Variants in ATP8A2 observed in about 807,000 individuals in gnomAD.
The protein encoded by ATP8A2 is ATPase phospholipid transporting 8A2, also known as phospholipid-transporting ATPase IB.
Under a neutral mutation model 165.6 loss-of-function variants are expected in ATP8A2, and 100 were observed. That is an observed-to-expected ratio of 0.60 (90% CI 0.51 to 0.71). The LOEUF (loss-of-function observed/expected upper bound fraction) is 0.71. Among genes scored for constraint, ATP8A2 ranks in the 30% least tolerant of loss-of-function variants. ATP8A2 has a pLI of 0.00. For missense variants in ATP8A2, 1,227 were observed against 1,479.5 expected (o/e 0.83, Z 2.80); for synonymous variants, 543 against 548.8 (o/e 0.99, Z 0.15).
intron 30 of ATP8A2, among the ~76,000 whole-genome samples, chr13:25,850,895 A>G (rs1951991382): frequency 6.6e-6 from 1 of 152,232 alleles, no homozygotes; most frequent in South Asian, 2.1e-4. Context: ...TTAACAAGAA[A>G]CGACACCCAC....
intron 33 of ATP8A2, among the ~76,000 whole-genome samples, chr13:25,921,271 A>AT (rs1188448226): frequency 2.0e-5 from 3 of 152,144 alleles, no homozygotes; most frequent in African/African-American, 7.2e-5. Flanking sequence ...ATTAGAGTAC[A>AT]TATCATGGAC....
intron 2 of ATP8A2, among the ~76,000 whole-genome samples, chr13:25,519,098 G>C (rs2137829671): frequency 6.6e-6 from 1 of 152,266 alleles, no homozygotes; most frequent in Non-Finnish European, 1.5e-5. Context: ...CCCTCCTACA[G>C]GTGGAGCAAC....
intron 23 of ATP8A2, among the ~76,000 whole-genome samples, chr13:25,585,933 T>G (rs1218066945): frequency 6.6e-6 from 1 of 152,164 alleles, no homozygotes; most frequent in African/African-American, 2.4e-5. Flanking sequence ...ATGAGTTAAT[T>G]ATGAGACAAA....
chr13:25,474,015 A>C (rs1297861643), intron 2 of ATP8A2, among the ~76,000 whole-genome samples: 2 of 152,218 alleles, frequency 1.3e-5, no homozygotes, highest in Non-Finnish European at 2.9e-5. Flanking sequence ...TTTCAAAGCC[A>C]TAAGGCAGTT....
At chr13:25,771,662 T>C (rs1270302548) in intron 26 of ATP8A2, among the ~76,000 whole-genome samples, 6 of 152,202 alleles carry the variant, frequency 3.9e-5, no homozygotes, top group South Asian at 2.1e-4. Context: ...TCCAGCATCA[T>C]AGTCACTTCT....
Position 25,372,874 on chromosome 13 carries a change from C to A in ATP8A2, c.76+586C>A, listed in dbSNP as rs991556716. Reference sequence around the variant, plus strand: ...CTGGAGACGAACACACACACGCACACGCGCGCGCACACACACACACAGGTA... The same window carrying A: ...CTGGAGACGAACACACACACGCACAAGCGCGCGCACACACACACACAGGTA... On this transcript the variant is annotated intron_variant, in intron 1 of 36. Transcript: ENST00000381655. The surrounding 1 kb of genome is among the most constrained non-coding windows in gnomAD (Gnocchi z 4.8). Among the ~76,000 whole-genome samples, 1 of 152,052 alleles carries A rather than the reference C, an allele frequency of 6.6e-6. No individual in the cohort carries two copies. The highest frequency in any genetic ancestry group is 1.5e-5 in the Non-Finnish European group (1 of 68,010).
intron 25 of ATP8A2, among the ~76,000 whole-genome samples, chr13:25,754,484 T>A (rs758520399): frequency 1.3e-5 from 2 of 152,190 alleles, no homozygotes; most frequent in Non-Finnish European, 2.9e-5. Flanking sequence ...GTCAGAACTC[T>A]CTTTTCAATA....
chr13:25,920,786 C>T (rs961948380), intron 33 of ATP8A2, among the ~76,000 whole-genome samples: 1 of 152,208 alleles, frequency 6.6e-6, no homozygotes, highest in Non-Finnish European at 1.5e-5. Context: ...CTGAGAAAAA[C>T]TGTTCGCATC....
intron 2 of ATP8A2, among the ~76,000 whole-genome samples, chr13:25,507,508 C>T (rs1287307271): frequency 1.3e-5 from 2 of 151,994 alleles, no homozygotes; most frequent in Non-Finnish European, 2.9e-5. Flanking sequence ...TCAGGTGATC[C>T]TCCCTCCTTG....
intron 34 of ATP8A2, among the ~76,000 whole-genome samples, chr13:25,963,454 T>C (rs1955709979): frequency 6.6e-6 from 1 of 152,038 alleles, no homozygotes; most frequent in African/African-American, 2.4e-5. Flanking sequence ...AAATATTAGT[T>C]CTGTTATTTG....
At chr13:25,446,812 T>C (rs1327954555) in intron 1 of ATP8A2, among the ~76,000 whole-genome samples, 2 of 152,132 alleles carry the variant, frequency 1.3e-5, no homozygotes, top group Non-Finnish European at 2.9e-5. Context: ...CTTAGAGGTT[T>C]ATATAAGAGA....
chr13:25,456,556 G>A (rs1445938973), intron 1 of ATP8A2, among the ~76,000 whole-genome samples: 1 of 152,186 alleles, frequency 6.6e-6, no homozygotes, highest in African/African-American at 2.4e-5. Flanking sequence ...TGTGCGACAA[G>A]GGAAGACATC....
At chr13:25,882,232 G>A (rs1953001973) in intron 33 of ATP8A2, among the ~76,000 whole-genome samples, 1 of 152,174 alleles carries the variant, frequency 6.6e-6, no homozygotes, top group Admixed American at 6.5e-5. Context: ...TATCGTATTA[G>A]GAAAGTCTTA....
intron 1 of ATP8A2, among the ~76,000 whole-genome samples, chr13:25,390,694 C>G (rs940763481): frequency 2.0e-5 from 3 of 152,090 alleles, no homozygotes; most frequent in African/African-American, 7.2e-5. Context: ...TTTTGGGAGG[C>G]CAAGCTGGGT....
intron 24 of ATP8A2, among the ~76,000 whole-genome samples, chr13:25,670,527 G>A (rs1389398453): frequency 6.6e-6 from 1 of 152,092 alleles, no homozygotes. Flanking sequence ...GATTATTTCA[G>A]TTTAGCTATA....
At chr13:25,479,549 G>C (rs951756078) in intron 2 of ATP8A2, among the ~76,000 whole-genome samples, 2 of 151,748 alleles carry the variant, frequency 1.3e-5, no homozygotes, top group African/African-American at 2.4e-5. Context: ...GGGGGATTTG[G>C]CAGGGTCATA....
intron 2 of ATP8A2, among the ~76,000 whole-genome samples, chr13:25,487,555 G>A (rs56265829): frequency 0.026 from 4,018 of 152,266 alleles, 182 homozygotes; most frequent in African/African-American, 0.091. Flanking sequence ...TGCTGTTGCT[G>A]TAGTTGCATT....
chr13:25,723,484 T>C (rs554847669), intron 25 of ATP8A2, among the ~76,000 whole-genome samples: 2 of 152,366 alleles, frequency 1.3e-5, no homozygotes, highest in South Asian at 2.1e-4. Context: ...AGTGAGTTTC[T>C]TGTAGTTAGA....
intron 24 of ATP8A2, 107 bp downstream of exon 24, chr13:25,589,806 GA>G (rs369946348): frequency 1.5e-6 from 1 of 670,794 alleles, no homozygotes; most frequent in Non-Finnish European, 2.6e-6. Context: ...AAACAGTTAT[GA>G]AAAAACTGTG....
Sources: allele counts gnomAD v4.1 joint callset (sites outside exome capture counted in the v4.1 genomes callset), GRCh38; gene constraint gnomAD v4.1.1; non-coding constraint Gnocchi (gnomAD v3.1); transcripts MANE v1.5; gene names NCBI Gene and HGNC (gene_info 2026-07-23, HGNC 2026-07-21).